RRAS2: variants seen among roughly 807,000 people sequenced by gnomAD.
RRAS2 encodes the protein ras-related protein R-Ras2.
Under a neutral mutation model 27.6 loss-of-function variants are expected in RRAS2, and 7 were observed. The observed-to-expected ratio is 0.25, with a 90% confidence interval of 0.14 to 0.48. RRAS2 has a LOEUF of 0.48. Ranked by LOEUF, RRAS2 falls within the 20% of genes least tolerant of loss-of-function variation. The pLI is 0.99. For missense variants in RRAS2, 178 were observed against 256.2 expected, an observed-to-expected ratio of 0.69 and a Z score of 2.08; for synonymous variants, 86 against 90.9, an observed-to-expected ratio of 0.95 and a Z score of 0.31.
chr11:14,315,297 A>G (rs149879019), intron 1 of RRAS2, among the ~76,000 whole-genome samples: 299 of 152,340 alleles, frequency 2.0e-3, no homozygotes, highest in Admixed American at 5.0e-3. Flanking sequence ...TACTCTTGAT[A>G]TAATGTGATG....
chr11:14,320,614 G>A (rs1431770419), intron 1 of RRAS2, among the ~76,000 whole-genome samples: 3 of 152,132 alleles, frequency 2.0e-5, no homozygotes, highest in Non-Finnish European at 4.4e-5. Flanking sequence ...TCAATTATTT[G>A]TTGCTTTTAG....
chr11:14,288,356 T>A (rs1199275666), intron 4 of RRAS2, among the ~76,000 whole-genome samples: 1 of 152,218 alleles, frequency 6.6e-6, no homozygotes, highest in African/African-American at 2.4e-5. Flanking sequence ...CATACATTTC[T>A]GGTGAAGAAA....
chr11:14,356,975 AC>A (rs1347837293), intron 1 of RRAS2, among the ~76,000 whole-genome samples: 1 of 151,664 alleles, frequency 6.6e-6, no homozygotes, highest in African/African-American at 2.4e-5. Context: ...TTTAGTAGAG[AC>A]GGGGTTTCAC....
At chr11:14,344,433 C>G (rs1217668763) in intron 1 of RRAS2, among the ~76,000 whole-genome samples, 1 of 152,110 alleles carries the variant, frequency 6.6e-6, no homozygotes, top group East Asian at 1.9e-4. Flanking sequence ...GCAAATTTCC[C>G]TTAGTTGACA....
At chr11:14,306,518 A>G (rs1007433432) in intron 1 of RRAS2, among the ~76,000 whole-genome samples, 16 of 152,162 alleles carry the variant, frequency 1.1e-4, no homozygotes, top group African/African-American at 2.9e-4. Flanking sequence ...CCTTCCTGCC[A>G]TAAGTGAGTA....
At chr11:14,295,215 A>C (rs1554946421) in intron 2 of RRAS2, among the ~76,000 whole-genome samples, 4 of 152,224 alleles carry the variant, frequency 2.6e-5, no homozygotes, top group African/African-American at 9.6e-5. Flanking sequence ...AGATACCTGT[A>C]AATTCAAGAA....
upstream of RRAS2, among the ~76,000 whole-genome samples, chr11:14,363,053 G>T (rs1361354508): frequency 6.6e-6 from 1 of 152,216 alleles, no homozygotes; most frequent in African/African-American, 2.4e-5. Flanking sequence ...AATAGGGTAT[G>T]TCACAAATAA....
At chr11:14,362,224 G>C (rs573510152), upstream of RRAS2, among the ~76,000 whole-genome samples, 1 of 152,224 alleles carries the variant, frequency 6.6e-6, no homozygotes, top group South Asian at 2.1e-4. Flanking sequence ...TATTGTGTCT[G>C]TATTATGTCT....
chr11:14,364,458 G>A, exon 1 of RRAS2: 1 of 1,488,090 alleles, frequency 6.7e-7, no homozygotes. Context: ...GTGAATGAAT[G>A]GCTGGCAGAG....
chr11:14,328,757 T>G (rs1554951481), intron 1 of RRAS2, among the ~76,000 whole-genome samples: 1 of 151,802 alleles, frequency 6.6e-6, no homozygotes, highest in African/African-American at 2.4e-5. Context: ...CTCCACCTTC[T>G]GGGTTCAAGC....
At chr11:14,303,323 A>AT (rs1554947647) in intron 1 of RRAS2, among the ~76,000 whole-genome samples, 5 of 152,224 alleles carry the variant, frequency 3.3e-5, no homozygotes, top group Non-Finnish European at 7.3e-5. Flanking sequence ...ATACTGAGTT[A>AT]AACTCAATGG....
intron 1 of RRAS2, among the ~76,000 whole-genome samples, chr11:14,319,641 A>G (rs964096744): frequency 6.6e-6 from 1 of 151,680 alleles, no homozygotes; most frequent in Admixed American, 6.6e-5. Flanking sequence ...TACAGGCGTG[A>G]GCCACCGCGC....
At chr11:14,293,703 A>T (rs911535727) in intron 4 of RRAS2, among the ~76,000 whole-genome samples, 1 of 152,184 alleles carries the variant, frequency 6.6e-6, no homozygotes, top group African/African-American at 2.4e-5. Context: ...GCCATGTGAA[A>T]CTGTGAGTCC....
chr11:14,349,315 CTAAT>C (rs1363870431), intron 1 of RRAS2, among the ~76,000 whole-genome samples: 60 of 150,686 alleles, frequency 4.0e-4, no homozygotes, highest in Admixed American at 1.3e-3. Flanking sequence ...CCACACCCGG[CTAAT>C]TTTTTTTTTT....
At chr11:14,296,760 T>A (rs1201554140) in intron 1 of RRAS2, among the ~76,000 whole-genome samples, 1 of 152,150 alleles carries the variant, frequency 6.6e-6, no homozygotes, top group Non-Finnish European at 1.5e-5. Context: ...TGTTTTTTTA[T>A]CTTAAATTCT....
At chr11:14,295,056 T>TCTTC (rs2133962353) in intron 2 of RRAS2, among the ~76,000 whole-genome samples, 194 bp from the exon 3 acceptor site, 1 of 152,326 alleles carries the variant, frequency 6.6e-6, no homozygotes, top group East Asian at 1.9e-4. Flanking sequence ...ACAGAGTTTA[T>TCTTC]CTTCATCAGT....
intron 1 of RRAS2, among the ~76,000 whole-genome samples, chr11:14,304,884 T>G (rs1847797714): frequency 6.6e-6 from 1 of 152,212 alleles, no homozygotes; most frequent in South Asian, 2.1e-4. Context: ...ACATCCTCCC[T>G]TATTTTTTTT....
chr11:14,325,206 T>C (rs564513000), intron 1 of RRAS2, among the ~76,000 whole-genome samples: 205 of 152,208 alleles, frequency 1.3e-3, no homozygotes, highest in Non-Finnish European at 2.4e-3. Context: ...AGCTTTGTCA[T>C]TGGAGAAGTT....
At chr11:14,353,882 T>C (rs1849017648) in intron 1 of RRAS2, among the ~76,000 whole-genome samples, 1 of 152,204 alleles carries the variant, frequency 6.6e-6, no homozygotes, top group Non-Finnish European at 1.5e-5. Context: ...ACCTTTAGTA[T>C]GGTACCACTT....
Sources: allele counts gnomAD v4.1 joint callset (sites outside exome capture counted in the v4.1 genomes callset), GRCh38; gene constraint gnomAD v4.1.1; transcripts MANE v1.5; gene names NCBI Gene and HGNC (gene_info 2026-07-23, HGNC 2026-07-21).